ZNF469: variants seen among roughly 807,000 people sequenced by gnomAD.
ZNF469 encodes zinc finger protein 469.
Under a neutral mutation model 1.0 loss-of-function variants are expected in ZNF469, and 1 was observed. The ratio of observed to expected loss-of-function variants is 1.00; its 90% CI spans 0.35 to 4.73. The LOEUF is 4.73. Ranked by LOEUF, ZNF469 falls within the 30% of genes most tolerant of loss-of-function variation. The pLI, the probability that ZNF469 is intolerant of heterozygous loss-of-function variation, is 0.16. For synonymous variants in ZNF469, 2,703 were observed against 2,363.4 expected, an observed-to-expected ratio of 1.14 and a Z score of -4.17; for missense variants, 6,100 against 5,356.3, an observed-to-expected ratio of 1.14 and a Z score of -4.33.
chr16:88,147,510 G>A, the ZNF469 span, among the ~76,000 whole-genome samples: 2 of 152,068 alleles, frequency 1.3e-5, no homozygotes, highest in African/African-American at 2.4e-5. Context: ...GTGTGGGTGG[G>A]AGCCAGGAGA....
In ZNF469 at chr16:88,436,675, G is replaced by A; in HGVS notation, c.9205G>A (p.Gly3069Ser). The change falls in exon 3 of 3, where the codon GGT (glycine) becomes AGT (serine). Residue 3069 changes from glycine to serine, a missense_variant. Gly to Ser is a moderately conservative substitution (Grantham distance 56). Coordinates refer to ENST00000565624, the MANE Select transcript of ZNF469 (RefSeq NM_001367624.2). Reference sequence around the variant, plus strand: ...TCTGGGACCCTTTGAAGACCCCGTGGGTCTCCCCGGCCCCAGCTTCTTAGA... The same window carrying A: ...TCTGGGACCCTTTGAAGACCCCGTGAGTCTCCCCGGCCCCAGCTTCTTAGA... Reference protein sequence around the residue: ...CFLGPFEDPVGLPGPSFLDFE... With the variant: ...CFLGPFEDPVSLPGPSFLDFE... 1 of 1,550,294 alleles carries A rather than the reference G, an allele frequency of 6.5e-7. No homozygotes were observed. Among genetic ancestry groups the A allele is most frequent in the East Asian group, 2.4e-5 (1 of 40,908 alleles).
At chr16:88,250,358 G>A in the ZNF469 span, among the ~76,000 whole-genome samples, 1 of 152,188 alleles carries the variant, frequency 6.6e-6, no homozygotes, top group Non-Finnish European at 1.5e-5. Flanking sequence ...TTTGTGAAGA[G>A]TTATTCATTC....
the ZNF469 span, among the ~76,000 whole-genome samples, chr16:88,220,016 C>G: frequency 2.0e-5 from 3 of 152,226 alleles, no homozygotes; most frequent in South Asian, 2.1e-4. Context: ...TCCTGGTTCT[C>G]CCCTCTCCAG....
the ZNF469 span, among the ~76,000 whole-genome samples, chr16:88,366,846 A>G: frequency 6.7e-6 from 1 of 149,238 alleles, no homozygotes; most frequent in African/African-American, 2.5e-5. Context: ...CATCATTACC[A>G]TCACTACCAC....
At chr16:88,114,117 T>G in the ZNF469 span, among the ~76,000 whole-genome samples, 2 of 151,686 alleles carry the variant, frequency 1.3e-5, no homozygotes, top group Non-Finnish European at 2.9e-5. Flanking sequence ...GTGCCCAAGT[T>G]TGCCCACCTG....
chr16:88,220,059 C>T, the ZNF469 span, among the ~76,000 whole-genome samples: 1 of 152,324 alleles, frequency 6.6e-6, no homozygotes, highest in East Asian at 1.9e-4. Context: ...CCTCAGCAGC[C>T]TCATGATGCC....
chr16:88,335,106 C>T, the ZNF469 span, among the ~76,000 whole-genome samples: 2 of 152,324 alleles, frequency 1.3e-5, no homozygotes, highest in African/African-American at 2.4e-5. Flanking sequence ...CACAGCCCTG[C>T]GCATGCCTTG....
chr16:88,167,064 TTTTTTTTTTTTTTC>T, the ZNF469 span, among the ~76,000 whole-genome samples: 8 of 137,748 alleles, frequency 5.8e-5, no homozygotes, highest in Admixed American at 4.3e-4. Flanking sequence ...TTTTTTTTTT[TTTTTTTTTTTTTTC>T]TAAGAGGGAA....
At position 88,432,907 on chromosome 16, in the gene ZNF469, G is replaced by A. The variant is rs750521936; in HGVS notation, c.5437G>A (p.Gly1813Arg). Residue 1813 changes from glycine to arginine, a missense_variant, in exon 3 of 3, where the codon GGG becomes AGG. Coordinates refer to ENST00000565624, the MANE Select transcript of ZNF469 (RefSeq NM_001367624.2). Reference protein sequence around the residue: ...LAPDLAFQGDGAPPLDATWPF... With the variant: ...LAPDLAFQGDRAPPLDATWPF... ...CCCTGACTTGGCATTTCAGGGTGAC[G>A]GGGCTCCACCTCTGGATGCCACCTG... 4.5e-6 allele frequency: 7 copies of A among 1,550,362 alleles called. No homozygotes were observed. The East Asian group carries it at 9.8e-5, about 22-fold the overall frequency.
At chr16:88,230,023 T>C in the ZNF469 span, among the ~76,000 whole-genome samples, 1 of 152,160 alleles carries the variant, frequency 6.6e-6, no homozygotes, top group Admixed American at 6.5e-5. Flanking sequence ...CCGGTCCTCA[T>C]CCACTCTCCA....
rs965337273 is a variant in ZNF469 at position 88,383,231 on chromosome 16, G to C, written c.-215G>C. On this transcript the variant is annotated 5_prime_UTR_variant, in exon 1 of 3. Transcript: ENST00000565624. ...CTCGTTGGCGGCGGCCGGCGTGGCG[G>C]GCGGAGCGGGCCTCGGAGCGGAGGT... 1.0e-4 allele frequency among the ~76,000 whole-genome samples: 15 copies of C among 147,304 alleles called. No individual in the cohort carries two copies. The highest frequency in any genetic ancestry group is 3.7e-4 in the African/African-American group (15 of 40,984).
chr16:88,386,550 A>G (rs1423968806), intron 1 of ZNF469, among the ~76,000 whole-genome samples: 1 of 152,030 alleles, frequency 6.6e-6, no homozygotes, highest in Non-Finnish European at 1.5e-5. Context: ...AAGGGGCCCT[A>G]TTCAGGCCGG....
chr16:88,140,058 C>G, the ZNF469 span, among the ~76,000 whole-genome samples: 1 of 152,172 alleles, frequency 6.6e-6, no homozygotes, highest in African/African-American at 2.4e-5. Flanking sequence ...CAGCACTGTG[C>G]AGACAGGGAA....
chr16:88,216,202 G>T, the ZNF469 span, among the ~76,000 whole-genome samples: 4 of 152,054 alleles, frequency 2.6e-5, no homozygotes, highest in African/African-American at 7.2e-5. Context: ...GCACTTAAAA[G>T]ATATTATTTC....
chr16:88,118,351 T>C, the ZNF469 span, among the ~76,000 whole-genome samples: 1 of 152,240 alleles, frequency 6.6e-6, no homozygotes, highest in Non-Finnish European at 1.5e-5. Context: ...TTGAGTTTTT[T>C]CACGGGCTCT....
chr16:88,360,484 GCGCCCGCATGCTCCCTCAAAGGCAGTC>G, the ZNF469 span, among the ~76,000 whole-genome samples: 3 of 145,604 alleles, frequency 2.1e-5, no homozygotes, highest in Non-Finnish European at 3.0e-5. Context: ...CCCCCAGACA[GCGCCCGCATGCTCCCTCAAAGGCAGTC>G]CACCCCCAGA....
Position 88,433,944 on chromosome 16 carries a change from C to A in ZNF469, c.6474C>A (p.Asp2158Glu). 6.5e-7 allele frequency: 1 copy of A among 1,550,202 alleles called. No individual in the cohort carries two copies. Among genetic ancestry groups the A allele is most frequent in the Non-Finnish European group, 8.7e-7 (1 of 1,146,902 alleles). Residue 2158 changes from aspartate to glutamate, a missense_variant, in exon 3 of 3, where the codon GAC (aspartate) becomes GAA (glutamate). Transcript: ENST00000565624. ...TGCCAGCATCTCCGTCCTGCAGGGA[C>A]CCTCCCGGCCCCCAGCAGCTGCTGG... Reference protein sequence around the residue: ...GQLPASPSCRDPPGPQQLLAC... With the variant: ...GQLPASPSCREPPGPQQLLAC...
chr16:88,123,655 G>A, the ZNF469 span, among the ~76,000 whole-genome samples: 3 of 151,200 alleles, frequency 2.0e-5, no homozygotes, highest in Non-Finnish European at 2.9e-5. Context: ...CAAAGGGGTC[G>A]TCCCCCCCAG....
chr16:88,362,164 T>A, the ZNF469 span, among the ~76,000 whole-genome samples: 2 of 152,344 alleles, frequency 1.3e-5, no homozygotes, highest in Admixed American at 1.3e-4. Flanking sequence ...TTAGAATCAG[T>A]TTGTCAATTT....
Sources: allele counts gnomAD v4.1 joint callset (sites outside exome capture counted in the v4.1 genomes callset), GRCh38; gene constraint gnomAD v4.1.1; transcripts MANE v1.5; gene names NCBI Gene and HGNC (gene_info 2026-07-23, HGNC 2026-07-21).